MYO6: variants seen among roughly 807,000 people sequenced by gnomAD.
MYO6 encodes the protein unconventional myosin-VI.
Under a neutral mutation model 178.7 loss-of-function variants are expected in MYO6, and 74 were observed. The ratio of observed to expected loss-of-function variants is 0.41; its 90% CI spans 0.34 to 0.50. The LOEUF is 0.50. Ranked by LOEUF, MYO6 falls within the 20% of genes least tolerant of loss-of-function variation. The pLI, the probability that MYO6 is intolerant of heterozygous loss-of-function variation, is 0.09. For missense variants in MYO6, 1,330 were observed against 1,547.4 expected, an observed-to-expected ratio of 0.86 and a Z score of 2.36; for synonymous variants, 477 against 504.6, an observed-to-expected ratio of 0.95 and a Z score of 0.73.
At chr6:75,905,588 G>T (rs904134569) in intron 30 of MYO6, among the ~76,000 whole-genome samples, 2 of 152,208 alleles carry the variant, frequency 1.3e-5, no homozygotes, top group Non-Finnish European at 2.9e-5. Flanking sequence ...GGCACACGGT[G>T]CGCGCACCCA....
At chr6:75,897,097 C>A (rs1171172355) in intron 29 of MYO6, among the ~76,000 whole-genome samples, 1 of 151,988 alleles carries the variant, frequency 6.6e-6, no homozygotes, top group Non-Finnish European at 1.5e-5. Context: ...ATCAACAGAC[C>A]CAGTGGTAAT....
At chr6:75,789,727 G>A (rs1054065511) in intron 1 of MYO6, among the ~76,000 whole-genome samples, 6 of 151,980 alleles carry the variant, frequency 3.9e-5, no homozygotes, top group African/African-American at 9.7e-5. Context: ...TGCTTTAAAC[G>A]TGTCATTTCT....
chr6:75,758,476 T>C (rs1459985630), intron 1 of MYO6, among the ~76,000 whole-genome samples: 1 of 152,094 alleles, frequency 6.6e-6, no homozygotes, highest in Non-Finnish European at 1.5e-5. Context: ...TGTTTGTTTG[T>C]TTGAGATGGA....
At chr6:75,798,331 C>T (rs1026503904) in intron 1 of MYO6, among the ~76,000 whole-genome samples, 1 of 152,100 alleles carries the variant, frequency 6.6e-6, no homozygotes, top group African/African-American at 2.4e-5. Flanking sequence ...TATTCTGTCC[C>T]ATTGGTCTGT....
intron 2 of MYO6, among the ~76,000 whole-genome samples, chr6:75,821,886 G>A (rs572992968): frequency 4.0e-4 from 61 of 152,200 alleles, no homozygotes; most frequent in African/African-American, 1.3e-3. Flanking sequence ...TGTTACTCTA[G>A]CATTTAAGTG....
chr6:75,891,892 A>G (rs1241852931), intron 27 of MYO6, among the ~76,000 whole-genome samples: 1 of 152,210 alleles, frequency 6.6e-6, no homozygotes, highest in African/African-American at 2.4e-5. Flanking sequence ...GAATGTGGAT[A>G]AATAATAGTT....
Position 75,862,736 on chromosome 6 carries a change from A to G in MYO6, c.1674+13A>G, listed in dbSNP as rs6925845. 7.4e-4 allele frequency: 1,201 copies of G among 1,613,624 alleles called. 10 individuals are homozygous for G. In the African/African-American group the frequency reaches 0.014, roughly 19 times the overall value. ...TTTTCGACTCACTGTGAGTTTTGCC[A>G]TTCTGAAATTGAGACTATGGTGGGA... On this transcript the variant is annotated intron_variant, in intron 16 of 34. Coordinates refer to ENST00000369977, the MANE Select transcript of MYO6 (RefSeq NM_004999.4).
At chr6:75,788,979 C>A (rs1265691016) in intron 1 of MYO6, among the ~76,000 whole-genome samples, 4 of 152,172 alleles carry the variant, frequency 2.6e-5, no homozygotes, top group African/African-American at 9.7e-5. Context: ...CCTTCATATG[C>A]AATGTAACTT....
intron 25 of MYO6, among the ~76,000 whole-genome samples, chr6:75,889,676 G>A (rs184224616): frequency 6.6e-6 from 1 of 152,292 alleles, no homozygotes; most frequent in Admixed American, 6.5e-5. Context: ...GCCTCCCAAA[G>A]GGCTGGGATT....
At chr6:75,838,102 G>A (rs977191780) in intron 7 of MYO6, among the ~76,000 whole-genome samples, 3 of 151,190 alleles carry the variant, frequency 2.0e-5, no homozygotes, top group Non-Finnish European at 4.4e-5. Flanking sequence ...GCCGAGTCTG[G>A]AGTGCAGTGG....
At position 75,866,578 on chromosome 6, in the gene MYO6, G is replaced by A; in HGVS notation, c.1727G>A (p.Gly576Asp). ...CATAGGAATATCAGAGACGACGAAGGCTTCATTATCAGGCATTTTGCGGGG... is the reference window on the plus strand; with the variant it reads ...CATAGGAATATCAGAGACGACGAAGACTTCATTATCAGGCATTTTGCGGGG... ...AVHRNIRDDE[G>D]FIIRHFAGAV... Residue 576 changes from glycine (G) to aspartate (D), a missense_variant, in exon 17 of 35, where the codon GGC (glycine) becomes GAC (aspartate). Physicochemically the swap from Gly to Asp is moderately conservative, Grantham distance 94. Around this residue, in one of 3 missense-constraint regions of MYO6, gnomAD observed 613 missense variants for 816.8 expected, o/e 0.75. Transcript: ENST00000369977. The A allele has an allele frequency of 6.2e-7, 1 of 1,614,044 alleles. No homozygotes were observed. The highest frequency in any genetic ancestry group is 8.5e-7 in the Non-Finnish European group (1 of 1,179,960).
Position 75,848,398 on chromosome 6 carries a change from T to A in MYO6, c.945T>A (p.Gly315=). The A allele has an allele frequency of 3.1e-6, 5 of 1,613,876 alleles. No individual in the cohort carries two copies. The highest frequency in any genetic ancestry group is 4.2e-6 in the Non-Finnish European group (5 of 1,179,840). The part of the protein sequence containing the change: ...SMKDPLLDDH[G]DFIRMCTAMK... ...AAGATCCTCTGCTAGATGACCATGG[T>A]GATTTTATTAGAATGTGCACGGCTA... is the stretch of plus-strand genomic sequence containing the variant. The change falls in exon 11 of 35, where the codon GGT becomes GGA. Residue 315 remains glycine (G), a synonymous_variant. Transcript: ENST00000369977.
At chr6:75,902,695 T>C (rs898181490) in intron 30 of MYO6, among the ~76,000 whole-genome samples, 1 of 152,058 alleles carries the variant, frequency 6.6e-6, no homozygotes, top group South Asian at 2.1e-4. Context: ...TTCATTAATT[T>C]TTTGAAGGGT....
chr6:75,848,880 A>C (rs1490874382), intron 11 of MYO6, among the ~76,000 whole-genome samples: 2 of 152,210 alleles, frequency 1.3e-5, no homozygotes, highest in Non-Finnish European at 2.9e-5. Flanking sequence ...ATCATCTATT[A>C]AGGCATTTTT....
At chr6:75,817,685 T>G (rs961926739) in intron 2 of MYO6, 21 bp downstream of exon 2, 23 of 1,598,480 alleles carry the variant, frequency 1.4e-5, no homozygotes, top group Non-Finnish European at 2.0e-5. Context: ...CAGAAAGATG[T>G]TGAAATATGA....
chr6:75,804,978 C>G (rs563183007), intron 1 of MYO6, among the ~76,000 whole-genome samples: 19 of 137,052 alleles, frequency 1.4e-4, no homozygotes, highest in Non-Finnish European at 2.3e-4. Context: ...CATATATACA[C>G]ACACATATAT....
At chr6:75,766,887 G>C (rs1264694527) in intron 1 of MYO6, among the ~76,000 whole-genome samples, 2 of 152,144 alleles carry the variant, frequency 1.3e-5, no homozygotes, top group Admixed American at 6.5e-5. Context: ...TACATCATTA[G>C]TGGCATCACA....
At chr6:75,863,063 C>T (rs573641646) in intron 16 of MYO6, among the ~76,000 whole-genome samples, 18 of 152,234 alleles carry the variant, frequency 1.2e-4, no homozygotes, top group African/African-American at 3.6e-4. Flanking sequence ...GCACTCCAGC[C>T]TGGCCAAAAG....
At position 75,851,443 on chromosome 6, in the gene MYO6, T is replaced by C. The variant is rs116029563; in HGVS notation, c.1078+2912T>C. 1.6e-3 allele frequency among the ~76,000 whole-genome samples: 239 copies of C among 152,274 alleles called. 1 individual carries two copies. Among genetic ancestry groups the C allele is most frequent in the African/African-American group, 5.4e-3 (226 of 41,562 alleles). On this transcript the variant is annotated intron_variant, in intron 11 of 34. Coordinates refer to ENST00000369977, the MANE Select transcript of MYO6 (RefSeq NM_004999.4). ...TTCCTATAGATCCAAATGGTTTCTTTCTAATTAGAAGTGATTTCTTTTTTC... is the reference window on the plus strand; with the variant it reads ...TTCCTATAGATCCAAATGGTTTCTTCCTAATTAGAAGTGATTTCTTTTTTC...
Sources: allele counts gnomAD v4.1 joint callset (sites outside exome capture counted in the v4.1 genomes callset), GRCh38; gene constraint gnomAD v4.1.1; regional missense constraint gnomAD v4.1.1; transcripts MANE v1.5; gene names NCBI Gene and HGNC (gene_info 2026-07-23, HGNC 2026-07-21).